Variants in CUX1 observed in about 807,000 individuals in gnomAD.
CUX1 encodes the protein cut like homeobox 1, also known as protein CASP.
A neutral mutation model predicts 158.8 loss-of-function variants in CUX1; 31 were observed. The observed-to-expected ratio is 0.20, with a 90% CI of 0.15 to 0.26. The LOEUF is 0.26. CUX1 is among the 10% of genes least tolerant of loss of function. The pLI is 1.00. For synonymous variants in CUX1, 879 were observed against 862.1 expected (o/e 1.02, Z -0.34); for missense variants, 1,589 against 2,014.6 (o/e 0.79, Z 4.04).
At chr7:102,195,627 T>G (rs1586157312) in intron 14 of CUX1, 24 bp downstream of exon 14, 1 of 1,579,868 alleles carries the variant, frequency 6.3e-7, no homozygotes, top group Non-Finnish European at 8.6e-7. Flanking sequence ...GCTTCGCGCG[T>G]GTGCGGTGGT....
At chr7:102,097,555 T>C in intron 5 of CUX1, 54 bp downstream of exon 5, 1 of 1,525,926 alleles carries the variant, frequency 6.6e-7, no homozygotes, top group Non-Finnish European at 8.8e-7. Flanking sequence ...TTTCTCTTCT[T>C]TTTATTTTAA....
chr7:102,221,737 TAAAAAAAAA>T (rs60706791), intron 20 of CUX1, among the ~76,000 whole-genome samples: 29 of 134,058 alleles, frequency 2.2e-4, no homozygotes, highest in African/African-American at 7.8e-4. Context: ...CAGTGCCTTG[TAAAAAAAAA>T]AAAAAAAAAA....
intron 1 of CUX1, among the ~76,000 whole-genome samples, chr7:101,832,866 G>T (rs887692847): frequency 6.6e-6 from 1 of 152,028 alleles, no homozygotes; most frequent in African/African-American, 2.4e-5. Flanking sequence ...GGTGCCTCTG[G>T]TCCCCATCTT....
intron 12 of CUX1, among the ~76,000 whole-genome samples, chr7:102,190,780 C>G (rs903768097): frequency 1.3e-5 from 2 of 152,134 alleles, no homozygotes; most frequent in Admixed American, 6.5e-5. Flanking sequence ...TGCCCTAGCC[C>G]TCTGCTAGGG....
At chr7:101,933,014 A>G (rs1329682508) in intron 2 of CUX1, among the ~76,000 whole-genome samples, 1 of 152,206 alleles carries the variant, frequency 6.6e-6, no homozygotes, top group African/African-American at 2.4e-5. Context: ...AATTTTCTCA[A>G]TTATAAGTGT....
chr7:102,260,117 G>T (rs1554543387), downstream of CUX1, among the ~76,000 whole-genome samples: 1 of 150,180 alleles, frequency 6.7e-6, no homozygotes, highest in Non-Finnish European at 1.5e-5. Flanking sequence ...AAAAAAAAAG[G>T]AACACTTAGC....
At chr7:101,828,708 G>GC (rs386410840) in intron 1 of CUX1, among the ~76,000 whole-genome samples, 2 of 26,826 alleles carry the variant, frequency 7.5e-5, no homozygotes, top group East Asian at 8.3e-4. Context: ...TAGGCTTTGT[G>GC]CCTCTTCATT....
At chr7:102,050,684 T>TTTA (rs149429897) in intron 3 of CUX1, among the ~76,000 whole-genome samples, 31,159 of 147,422 alleles carry the variant, frequency 0.21, 3,465 homozygotes, top group African/African-American at 0.29. Flanking sequence ...GTGAATTCTT[T>TTTA]TTATTATTAT....
At chr7:101,835,126 C>T (rs1428536125) in intron 1 of CUX1, among the ~76,000 whole-genome samples, 1 of 152,148 alleles carries the variant, frequency 6.6e-6, no homozygotes, top group Non-Finnish European at 1.5e-5. Flanking sequence ...CGACAAGAAA[C>T]TCCCATACCT....
rs192186479 is a variant in CUX1, at chr7:101,993,791, G to A, written c.142-34307G>A. Among the ~76,000 whole-genome samples, 3 of 152,158 alleles carry A rather than the reference G, an allele frequency of 2.0e-5. No individual in the cohort carries two copies. In the East Asian group the frequency reaches 5.8e-4, roughly 29 times the overall value. ...GCCCTCATCCCTGCCTGCCCCTCCC[G>A]GTGCAGACTGGGACATTCTCAGGCT... On this transcript the variant is annotated intron_variant, in intron 2 of 23. Coordinates refer to ENST00000292535, the MANE Select transcript of CUX1 (RefSeq NM_181552.4).
At chr7:101,925,562 A>G (rs143009250) in intron 2 of CUX1, among the ~76,000 whole-genome samples, 20 of 152,342 alleles carry the variant, frequency 1.3e-4, no homozygotes, top group African/African-American at 4.3e-4. Flanking sequence ...GAATATGCCA[A>G]ATGCCACTGA....
chr7:102,120,005 A>C (rs1335412720), intron 8 of CUX1, among the ~76,000 whole-genome samples: 1 of 152,182 alleles, frequency 6.6e-6, no homozygotes, highest in Non-Finnish European at 1.5e-5. Context: ...CATCTAAACA[A>C]TTCCTTGGGA....
intron 2 of CUX1, among the ~76,000 whole-genome samples, chr7:101,973,770 CTTT>C (rs546846196): frequency 6.6e-5 from 9 of 137,344 alleles, no homozygotes; most frequent in East Asian, 2.1e-4. Context: ...TTTTCTTTTT[CTTT>C]TTTTTTTTTT....
At chr7:102,176,061 C>T (rs1434557040) in intron 10 of CUX1, among the ~76,000 whole-genome samples, 2 of 152,232 alleles carry the variant, frequency 1.3e-5, no homozygotes, top group South Asian at 2.1e-4. Flanking sequence ...CTCCAGCCCC[C>T]CAGGGCCACG....
chr7:101,982,574 G>A (rs1813575252), intron 2 of CUX1, among the ~76,000 whole-genome samples: 1 of 152,074 alleles, frequency 6.6e-6, no homozygotes, highest in East Asian at 1.9e-4. Context: ...TTACAGATGC[G>A]GGCCACCATG....
chr7:101,901,157 T>A (rs1279099273), intron 1 of CUX1, among the ~76,000 whole-genome samples: 1 of 152,046 alleles, frequency 6.6e-6, no homozygotes, highest in African/African-American at 2.4e-5. Context: ...CTACCCCAAA[T>A]GCCCCTACTG....
At chr7:102,063,780 G>A (rs1035802955) in intron 3 of CUX1, among the ~76,000 whole-genome samples, 1 of 152,208 alleles carries the variant, frequency 6.6e-6, no homozygotes, top group African/African-American at 2.4e-5. Context: ...CATGCAGTTG[G>A]CCATTGCGGA....
At chr7:101,829,194 C>T (rs1793715299) in intron 1 of CUX1, among the ~76,000 whole-genome samples, 1 of 151,974 alleles carries the variant, frequency 6.6e-6, no homozygotes, top group Admixed American at 6.6e-5. Context: ...CTTGACTTTC[C>T]CTGTTCTGGA....
intron 4 of CUX1, among the ~76,000 whole-genome samples, chr7:102,093,262 T>C (rs1030644613): frequency 8.8e-5 from 13 of 147,472 alleles, no homozygotes; most frequent in Non-Finnish European, 1.3e-4. Context: ...CATAGCTCTC[T>C]GCAACCTCCA....
Sources: allele counts gnomAD v4.1 joint callset (sites outside exome capture counted in the v4.1 genomes callset), GRCh38; gene constraint gnomAD v4.1.1; transcripts MANE v1.5; gene names NCBI Gene and HGNC (gene_info 2026-07-23, HGNC 2026-07-21).